CLDN16: variants seen among roughly 807,000 people sequenced by gnomAD.
The protein encoded by CLDN16 is claudin-16.
In CLDN16, 13 loss-of-function variants were observed where a neutral mutation model predicts 24.6. That is an observed-to-expected ratio of 0.53 (90% CI 0.34 to 0.84). CLDN16 has a LOEUF of 0.84. Among genes scored for constraint, CLDN16 ranks in the 40% least tolerant of loss-of-function variants. CLDN16 has a pLI of 0.01. For missense variants in CLDN16, 298 were observed against 292.7 expected (o/e 1.02, Z -0.13); for synonymous variants, 116 against 106.7 (o/e 1.09, Z -0.54).
At chr3:190,345,978 CA>C (rs1218691825) in intron 1 of CLDN16, among the ~76,000 whole-genome samples, 1 of 151,820 alleles carries the variant, frequency 6.6e-6, no homozygotes, top group African/African-American at 2.4e-5. Flanking sequence ...ACCCAAATAA[CA>C]AGACTCTTGT....
At chr3:190,346,572 C>T in intron 1 of CLDN16, among the ~76,000 whole-genome samples, 1 of 152,144 alleles carries the variant, frequency 6.6e-6, no homozygotes, top group East Asian at 1.9e-4. Context: ...ATACTAGTTT[C>T]TTAGGGATGT....
chr3:190,358,669 A>AG (rs1418873379), intron 1 of CLDN16, among the ~76,000 whole-genome samples: 1 of 136,058 alleles, frequency 7.3e-6, no homozygotes, highest in East Asian at 2.0e-4. Flanking sequence ...GCAAAATTAA[A>AG]AAAAACAACA....
chr3:190,380,480 A>G lies in CLDN16; in HGVS notation n.306+5877A>G, dbSNP rs1350907732. Among the ~76,000 whole-genome samples, 8 of 152,198 alleles carry G rather than the reference A, an allele frequency of 5.3e-5. No homozygotes were observed. In the East Asian group the frequency reaches 1.5e-3, roughly 29 times the overall value. The stretch of plus-strand genomic sequence containing the variant: ...TTATGATAAATGGTAGGGAAAATAA[A>G]AAAGCATTTTAGGCAGAAGAAATTG... On this transcript the variant is annotated intron_variant and non_coding_transcript_variant, in intron 3 of 4. Transcript: ENST00000468220.
chr3:190,392,147 G>A (rs1388471442), intron 1 of CLDN16, among the ~76,000 whole-genome samples: 2 of 149,106 alleles, frequency 1.3e-5, no homozygotes, highest in African/African-American at 4.9e-5. Context: ...GTGGTGTCTG[G>A]CACTTCTCCA....
chr3:190,298,776 C>T, the CLDN16 span, among the ~76,000 whole-genome samples: 4 of 152,132 alleles, frequency 2.6e-5, no homozygotes, highest in Admixed American at 1.3e-4. Flanking sequence ...ATTCATTTTA[C>T]ATATAACTGC....
intron 1 of CLDN16, among the ~76,000 whole-genome samples, chr3:190,333,575 TATCTATCA>T (rs67040789): frequency 0.46 from 45,495 of 97,888 alleles, 6,975 homozygotes; most frequent in East Asian, 0.54. Flanking sequence ...TCTATCTATC[TATCTATCA>T]ATCATCTTTC....
At chr3:190,397,472 CT>C (rs1560096514) in intron 1 of CLDN16, among the ~76,000 whole-genome samples, 1 of 152,108 alleles carries the variant, frequency 6.6e-6, no homozygotes. Flanking sequence ...TTTAAGAACC[CT>C]GTCTTAAAAT....
intron 1 of CLDN16, among the ~76,000 whole-genome samples, chr3:190,345,039 C>G (rs547440604): frequency 2.0e-5 from 3 of 152,246 alleles, no homozygotes; most frequent in South Asian, 4.1e-4. Context: ...AATGTTAACA[C>G]TGAAATTTGT....
At chr3:190,405,202 G>A (rs889248049) in intron 3 of CLDN16, among the ~76,000 whole-genome samples, 1 of 152,280 alleles carries the variant, frequency 6.6e-6, no homozygotes, top group East Asian at 1.9e-4. Context: ...GGCCAAGGCA[G>A]GCAGATCACT....
chr3:190,389,506 G>A (rs568039530), intron 1 of CLDN16, among the ~76,000 whole-genome samples: 2 of 152,244 alleles, frequency 1.3e-5, no homozygotes, highest in African/African-American at 2.4e-5. Context: ...ATTTTGCTGT[G>A]CATTATTTTT....
At chr3:190,307,689 A>G in the CLDN16 span, 1 of 152,472 alleles carries the variant, frequency 6.6e-6, no homozygotes, top group Non-Finnish European at 1.5e-5. Flanking sequence ...ATGGTAAAAA[A>G]TAAAATAAGT....
intron 1 of CLDN16, among the ~76,000 whole-genome samples, chr3:190,340,488 A>G (rs549590053): frequency 3.9e-5 from 6 of 152,300 alleles, no homozygotes; most frequent in African/African-American, 1.4e-4. Context: ...CTTACTCACT[A>G]ACATGAGAGG....
chr3:190,318,414 G>A (rs1406784798), upstream of CLDN16, among the ~76,000 whole-genome samples: 1 of 152,180 alleles, frequency 6.6e-6, no homozygotes, highest in Non-Finnish European at 1.5e-5. Flanking sequence ...GGCACTGGAA[G>A]GAATCTTAGA....
rs62278668 is a variant in CLDN16 at position 190,368,276 on chromosome 3, C to A, written n.122-2617C>A. Among the ~76,000 whole-genome samples the A allele has an allele frequency of 6.9e-3, 1,048 of 152,038 alleles. 6 individuals carry two copies. Among genetic ancestry groups the A allele is most frequent in the Middle Eastern group, 0.014 (4 of 294 alleles). ...ACTCTGTGGGAAGCCTATGAAGGGG[C>A]TCAAATGACAGGGATCTGATGATCA... On this transcript the variant is annotated intron_variant and non_coding_transcript_variant, in intron 1 of 4. Transcript: ENST00000468220.
At chr3:190,406,931 G>A (rs1324686748) in intron 3 of CLDN16, among the ~76,000 whole-genome samples, 1 of 151,810 alleles carries the variant, frequency 6.6e-6, no homozygotes, top group Non-Finnish European at 1.5e-5. Flanking sequence ...TAGTAGAGAA[G>A]GGGTTTCACC....
the CLDN16 span, among the ~76,000 whole-genome samples, chr3:190,293,067 C>T: frequency 6.6e-5 from 10 of 152,040 alleles, no homozygotes; most frequent in South Asian, 2.1e-4. Context: ...TAAAGAACTA[C>T]GAATTTTAAA....
At chr3:190,357,913 G>A (rs942468277) in intron 1 of CLDN16, among the ~76,000 whole-genome samples, 2 of 151,776 alleles carry the variant, frequency 1.3e-5, no homozygotes, top group Admixed American at 1.3e-4. Flanking sequence ...GTGTCTTTCT[G>A]CCACAATTTG....
Position 190,366,679 on chromosome 3 carries a change from G to T in CLDN16, n.122-4214G>T, listed in dbSNP as rs187876150. Among the ~76,000 whole-genome samples, 9 of 152,118 alleles carry T rather than the reference G, an allele frequency of 5.9e-5. No homozygotes were observed. In the East Asian group the frequency reaches 1.8e-3, roughly 30 times the overall value. Reference sequence around the variant, plus strand: ...TCTGTGTTTGGGATGACCCTTCAGAGTTGACCCAAACTGGGGGAAAGGACC... The same window carrying T: ...TCTGTGTTTGGGATGACCCTTCAGATTTGACCCAAACTGGGGGAAAGGACC... On this transcript the variant is annotated intron_variant and non_coding_transcript_variant, in intron 1 of 4. Coordinates refer to the CLDN16 transcript ENST00000468220.
Position 190,388,194 on chromosome 3 carries a change from G to A in CLDN16, c.-136G>A. 8.7e-6 allele frequency: 14 copies of A among 1,614,040 alleles called. No homozygotes were observed. The highest frequency in any genetic ancestry group is 6.8e-6 in the Non-Finnish European group (8 of 1,180,004). On this transcript the variant is annotated 5_prime_UTR_variant, in exon 1 of 5. Coordinates refer to ENST00000264734, the MANE Select transcript of CLDN16 (RefSeq NM_006580.4). Reference sequence around the variant, plus strand: ...ACTGCAACTCAAGACACCTGCAGCAGGGCGTGAGAAAAAGTAAAAGACCAG... The same window carrying A: ...ACTGCAACTCAAGACACCTGCAGCAAGGCGTGAGAAAAAGTAAAAGACCAG...
Sources: gnomAD v4.1 joint callset for allele counts (sites outside exome capture counted in the v4.1 genomes callset) on GRCh38, gnomAD v4.1.1 for gene constraint, MANE v1.5 for transcripts, NCBI Gene and HGNC (gene_info 2026-07-23, HGNC 2026-07-21) for gene names.